WDR59: variants seen among roughly 807,000 people sequenced by gnomAD.
The protein encoded by WDR59 is WD repeat domain 59, also known as GATOR2 complex protein WDR59.
In WDR59, 100 loss-of-function variants were observed where a neutral mutation model predicts 131.2. The observed-to-expected ratio is 0.76, with a 90% CI of 0.65 to 0.90. The LOEUF is 0.90. Among genes scored for constraint, WDR59 ranks in the 40% least tolerant of loss-of-function variants. The pLI, the probability that WDR59 is intolerant of heterozygous loss-of-function variation, is 0.00. For missense variants in WDR59, 1,203 were observed against 1,262.2 expected, an observed-to-expected ratio of 0.95 and a Z score of 0.71; for synonymous variants, 601 against 466.2, an observed-to-expected ratio of 1.29 and a Z score of -3.72.
chr16:74,954,900 T>C (rs1175831471), intron 3 of WDR59, among the ~76,000 whole-genome samples: 1 of 152,182 alleles, frequency 6.6e-6, no homozygotes, highest in Non-Finnish European at 1.5e-5. Flanking sequence ...CTATGGAAGA[T>C]CCAGAATAGA....
chr16:74,894,428 G>A lies in WDR59; in HGVS notation c.1867-616C>T, dbSNP rs1041611979. 4.9e-4 allele frequency among the ~76,000 whole-genome samples: 74 copies of A among 152,238 alleles called. 1 individual carries two copies. Among genetic ancestry groups the A allele is most frequent in the African/African-American group, 1.7e-3 (72 of 41,542 alleles). On this transcript the variant is annotated intron_variant, in intron 18 of 25. Coordinates refer to ENST00000262144, the MANE Select transcript of WDR59 (RefSeq NM_030581.4). ...TGGGTAACAGACATGGAAGATTGTG[G>A]GCAAGTATTCGATTTCCCCAGGCTT...
At chr16:74,962,640 C>A (rs1361608009) in intron 2 of WDR59, among the ~76,000 whole-genome samples, 1 of 151,952 alleles carries the variant, frequency 6.6e-6, no homozygotes, top group Non-Finnish European at 1.5e-5. Flanking sequence ...GATTTTGTAT[C>A]CTGAAATTTT....
At chr16:74,931,976 A>T (rs2031428148) in intron 8 of WDR59, among the ~76,000 whole-genome samples, 1 of 151,272 alleles carries the variant, frequency 6.6e-6, no homozygotes, top group South Asian at 2.1e-4. Flanking sequence ...CCTGTGTTAT[A>T]ATATCAACTT....
At chr16:74,909,974 T>TG (rs1266726088) in intron 14 of WDR59, 57 bp from the exon 15 acceptor site, 8 of 1,389,438 alleles carry the variant, frequency 5.8e-6, no homozygotes, top group Admixed American at 4.9e-5. Context: ...GATAGGTTTT[T>TG]TTTTTTTTTT....
intron 6 of WDR59, among the ~76,000 whole-genome samples, chr16:74,947,897 C>G (rs1019114973): frequency 2.0e-4 from 30 of 152,138 alleles, no homozygotes; most frequent in Non-Finnish European, 4.0e-4. Context: ...ACAGTGAAAC[C>G]TGTGTCTACT....
intron 25 of WDR59, among the ~76,000 whole-genome samples, chr16:74,878,152 A>G (rs1964306254): frequency 6.6e-6 from 1 of 152,182 alleles, no homozygotes; most frequent in South Asian, 2.1e-4. Context: ...TTATTGTAAG[A>G]GCTCTCGTAT....
intron 1 of WDR59, among the ~76,000 whole-genome samples, chr16:74,971,793 C>T (rs377516930): frequency 4.6e-5 from 7 of 152,142 alleles, no homozygotes; most frequent in Admixed American, 6.6e-5. Context: ...ACTGTAACCC[C>T]AAACTTCTGG....
chr16:74,921,299 TA>T (rs1169203803), intron 10 of WDR59, among the ~76,000 whole-genome samples: 1 of 151,472 alleles, frequency 6.6e-6, no homozygotes, highest in Non-Finnish European at 1.5e-5. Context: ...CTTCCACAGT[TA>T]AAACAAAAAA....
At chr16:74,903,268 T>G (rs910020751) in intron 18 of WDR59, among the ~76,000 whole-genome samples, 3 of 152,254 alleles carry the variant, frequency 2.0e-5, no homozygotes, top group Admixed American at 6.5e-5. Context: ...TAAAACATCA[T>G]GTCAGCTAGA....
chr16:74,885,946 G>A (rs1964734826), intron 24 of WDR59, 151 bp from the exon 25 acceptor site: 6 of 945,208 alleles, frequency 6.3e-6, no homozygotes, highest in Non-Finnish European at 9.2e-6. Flanking sequence ...GGAGGCTGAG[G>A]CGGGTGGATC....
rs1964084911 is a variant in WDR59, at chr16:74,874,073, G to A, written c.*136C>T. 2 of 698,368 alleles carry A rather than the reference G, an allele frequency of 2.9e-6. No homozygotes were observed. Among genetic ancestry groups the A allele is most frequent in the Non-Finnish European group, 4.7e-6 (2 of 421,304 alleles). The allele number at this position is 698,368 out of a possible 1,614,324, so 43.3% of individuals were successfully genotyped here. On this transcript the variant is annotated 3_prime_UTR_variant, in exon 26 of 26. Transcript: ENST00000262144. ...CAGAGGCCCACCAAGAGCTGATGCTGCGCAGTCCTTGGGGGATCATCCTCC... is the reference window on the plus strand; with the variant it reads ...CAGAGGCCCACCAAGAGCTGATGCTACGCAGTCCTTGGGGGATCATCCTCC...
chr16:74,901,334 T>C (rs7342703), intron 18 of WDR59, among the ~76,000 whole-genome samples: 43,543 of 151,812 alleles, frequency 0.29, 6,485 homozygotes, highest in Middle Eastern at 0.36. Flanking sequence ...TCCATTCTGT[T>C]ACTCTCACTC....
chr16:74,916,459 A>C (rs1966391714), intron 11 of WDR59, among the ~76,000 whole-genome samples, 200 bp from the exon 12 acceptor site: 1 of 152,194 alleles, frequency 6.6e-6, no homozygotes, highest in East Asian at 1.9e-4. Context: ...CTATTATTCA[A>C]CACTGGAAAT....
intron 18 of WDR59, chr16:74,899,752 C>T (rs1285291930): frequency 7.8e-7 from 1 of 1,289,122 alleles, no homozygotes; most frequent in South Asian, 1.2e-5. Flanking sequence ...AGCGAGGAGA[C>T]ATCTGTGCAT....
chr16:74,875,353 G>A (rs932131937), intron 25 of WDR59, among the ~76,000 whole-genome samples: 1 of 152,192 alleles, frequency 6.6e-6, no homozygotes, highest in Non-Finnish European at 1.5e-5. Context: ...TGACTGCAGG[G>A]GCAGTGGGTG....
chr16:74,968,024 C>G (rs1296723524), intron 1 of WDR59, among the ~76,000 whole-genome samples: 1 of 152,026 alleles, frequency 6.6e-6, no homozygotes, highest in Non-Finnish European at 1.5e-5. Flanking sequence ...CGGAAACATG[C>G]TAAGTAGAGT....
At chr16:74,961,682 G>T (rs531133588) in intron 2 of WDR59, among the ~76,000 whole-genome samples, 1 of 152,232 alleles carries the variant, frequency 6.6e-6, no homozygotes, top group East Asian at 1.9e-4. Context: ...GTAGATTCTG[G>T]ATATTAGACC....
intron 2 of WDR59, among the ~76,000 whole-genome samples, chr16:74,965,255 C>A (rs2033722509): frequency 9.4e-6 from 1 of 106,618 alleles, no homozygotes; most frequent in Non-Finnish European, 1.8e-5. Flanking sequence ...GCAGAGATGG[C>A]CCTTAATTGC....
rs200549628 is a variant in WDR59 at position 74,965,840 on chromosome 16, G to C, written c.55-18C>G. On this transcript the variant is annotated intron_variant, in intron 1 of 25. Transcript: ENST00000262144. ...GCAGTTGCCTGAGAGAGAGAACACA[G>C]AGTCAGTGCTGCCAGCAAACCCAGC... The C allele has an allele frequency of 4.1e-5, 66 of 1,614,040 alleles. No individual in the cohort carries two copies. The East Asian group carries it at 1.4e-3, about 35-fold the overall frequency.
Sources: allele counts gnomAD v4.1 joint callset (sites outside exome capture counted in the v4.1 genomes callset), GRCh38; gene constraint gnomAD v4.1.1; transcripts MANE v1.5; gene names NCBI Gene and HGNC (gene_info 2026-07-23, HGNC 2026-07-21).